Variants in ZNF254 observed in about 807,000 individuals in gnomAD.
ZNF254 encodes zinc finger protein 254.
In ZNF254, 10 loss-of-function variants were observed where a neutral mutation model predicts 12.4. The observed-to-expected ratio is 0.80, with a 90% CI of 0.50 to 1.36. The LOEUF is 1.36. Ranked by LOEUF, ZNF254 falls within the 40% of genes most tolerant of loss-of-function variation. The pLI is 0.00. For synonymous variants in ZNF254, 305 were observed against 253.4 expected (o/e 1.20, Z -1.93); for missense variants, 996 against 763.9 (o/e 1.30, Z -3.58).
intron 1 of ZNF254, among the ~76,000 whole-genome samples, chr19:24,094,465 T>C (rs766823335): frequency 9.2e-5 from 14 of 152,046 alleles, no homozygotes; most frequent in Non-Finnish European, 1.8e-4. Context: ...TTCACCATGT[T>C]GGCCAGGCTG....
Position 24,057,172 on chromosome 19 carries a change from A to C in ZNF254, c.-94+10893A>C, listed in dbSNP as rs555323258. ...GAGTGTCATAACGGCTCTAGAAAAC[A>C]GATGGGATTGTGATTTATGTATGCA... On this transcript the variant is annotated intron_variant, in intron 2 of 4. Coordinates refer to the ZNF254 transcript ENST00000613065. Among the ~76,000 whole-genome samples, 44 of 152,344 alleles carry C rather than the reference A, an allele frequency of 2.9e-4. 1 individual carries two copies. Among genetic ancestry groups the C allele is most frequent in the African/African-American group, 1.0e-3 (43 of 41,592 alleles).
At chr19:24,073,126 C>G (rs1180499082) in intron 2 of ZNF254, among the ~76,000 whole-genome samples, 1 of 152,194 alleles carries the variant, frequency 6.6e-6, no homozygotes, top group East Asian at 1.9e-4. Context: ...AGTGTCATCA[C>G]AAGACCAAGC....
intron 3 of ZNF254, among the ~76,000 whole-genome samples, chr19:24,124,583 A>G (rs1191979203): frequency 1.3e-5 from 2 of 151,770 alleles, no homozygotes; most frequent in Non-Finnish European, 2.9e-5. Flanking sequence ...GAAGGTTTTT[A>G]CTTTTTTTAT....
chr19:24,059,505 A>G (rs1970990601), intron 2 of ZNF254, among the ~76,000 whole-genome samples: 1 of 152,118 alleles, frequency 6.6e-6, no homozygotes, highest in Non-Finnish European at 1.5e-5. Context: ...CTAGACTGAG[A>G]ACTTAGGTGA....
chr19:24,125,681 T>C (rs1458825529), intron 3 of ZNF254, among the ~76,000 whole-genome samples: 2 of 152,246 alleles, frequency 1.3e-5, no homozygotes, highest in African/African-American at 4.8e-5. Context: ...CGTTAATTTG[T>C]AGCGTCATCA....
chr19:24,043,909 C>T (rs1357819326), intron 1 of ZNF254, among the ~76,000 whole-genome samples: 2 of 152,112 alleles, frequency 1.3e-5, no homozygotes, highest in African/African-American at 4.8e-5. Context: ...CTCATAAGTC[C>T]TTTTGAGATA....
chr19:24,084,457 C>T (rs553416633), upstream of ZNF254, among the ~76,000 whole-genome samples: 5 of 151,900 alleles, frequency 3.3e-5, no homozygotes, highest in South Asian at 8.3e-4. Context: ...GTACAGTGCA[C>T]ACTGCTTGGG....
chr19:24,081,450 C>T (rs559907223), intron 2 of ZNF254, among the ~76,000 whole-genome samples: 39 of 152,236 alleles, frequency 2.6e-4, no homozygotes, highest in Admixed American at 2.1e-3. Flanking sequence ...CTAGACACTC[C>T]AATTAACCTG....
At chr19:24,099,028 G>A (rs1324510912) in intron 1 of ZNF254, 1 of 96,014 alleles carries the variant, frequency 1.0e-5, no homozygotes, top group African/African-American at 4.3e-5. Flanking sequence ...AGACAGTCTT[G>A]CCCTGTCTCC....
intron 3 of ZNF254, among the ~76,000 whole-genome samples, chr19:24,108,038 C>CATAT: frequency 6.6e-6 from 1 of 152,164 alleles, no homozygotes; most frequent in Non-Finnish European, 1.5e-5. Context: ...CTCAGGCCTG[C>CATAT]ATATGGTGAG....
intron 3 of ZNF254, chr19:24,107,049 G>A (rs1344126456): frequency 2.3e-6 from 1 of 440,698 alleles, no homozygotes; most frequent in African/African-American, 2.1e-5. Context: ...TGTTATATTG[G>A]GTTTTTTCTT....
chr19:24,127,794 A>G lies in ZNF254; in HGVS notation c.1794A>G (p.Gly598=). 1 of 1,612,952 alleles carries G rather than the reference A, an allele frequency of 6.2e-7. No individual in the cohort carries two copies. The highest frequency in any genetic ancestry group is 1.1e-5 in the South Asian group (1 of 91,022). The change falls in exon 4 of 4, where the codon GGA becomes GGG. Residue 598 remains glycine (G), a synonymous_variant. Coordinates refer to ENST00000357002, the MANE Select transcript of ZNF254 (RefSeq NM_203282.4). ...CTAAACATAAGGTAATTCATACTGG[A>G]GTAAAACCCTACAAATGTGAAGAAT... ...TFTKHKVIHT[G]VKPYKCEECG... is the part of the protein sequence containing the mutation.
chr19:24,084,632 TA>T (rs1345056065), upstream of ZNF254, among the ~76,000 whole-genome samples: 1 of 152,102 alleles, frequency 6.6e-6, no homozygotes, highest in East Asian at 1.9e-4. Context: ...GTTTTTGGTT[TA>T]TTTTTTATTT....
chr19:24,127,758 T>A lies in ZNF254; in HGVS notation c.1758T>A (p.Ser586=). ...CEECGKSFNR[S]STFTKHKVIH... is the part of the protein sequence containing the mutation. The stretch of plus-strand genomic sequence containing the variant: ...AATGTGGCAAATCTTTTAACCGGTC[T>A]TCAACTTTTACTAAACATAAGGTAA... The change falls in exon 4 of 4, where the codon TCT becomes TCA. Residue 586 remains serine, a synonymous_variant. Coordinates refer to ENST00000357002, the MANE Select transcript of ZNF254 (RefSeq NM_203282.4). 6.2e-7 allele frequency: 1 copy of A among 1,609,368 alleles called. No individual in the cohort carries two copies. The highest frequency in any genetic ancestry group is 1.1e-5 in the South Asian group (1 of 90,796).
chr19:24,054,324 C>CA (rs985368304), intron 2 of ZNF254, among the ~76,000 whole-genome samples: 4 of 152,118 alleles, frequency 2.6e-5, no homozygotes, highest in African/African-American at 9.7e-5. Flanking sequence ...TCCCTACCTA[C>CA]AGGTTAAATG....
chr19:24,120,443 T>G (rs1356147373), intron 3 of ZNF254, among the ~76,000 whole-genome samples: 1 of 152,124 alleles, frequency 6.6e-6, no homozygotes, highest in Non-Finnish European at 1.5e-5. Context: ...AATATAAAAA[T>G]TATTTTGTGT....
At chr19:24,038,402 G>T (rs1321784092) in intron 1 of ZNF254, among the ~76,000 whole-genome samples, 3 of 152,160 alleles carry the variant, frequency 2.0e-5, no homozygotes, top group Non-Finnish European at 4.4e-5. Context: ...TTCTACTTGA[G>T]AACTAATTAT....
Position 24,126,618 on chromosome 19 carries a change from A to G in ZNF254, c.618A>G (p.Arg206=). 4.4e-6 allele frequency: 7 copies of G among 1,607,752 alleles called. No individual in the cohort carries two copies. The highest frequency in any genetic ancestry group is 5.9e-6 in the Non-Finnish European group (7 of 1,178,192). The change falls in exon 4 of 4, where the codon AGA becomes AGG. Residue 206 remains arginine (R), a synonymous_variant. Coordinates refer to ENST00000357002, the MANE Select transcript of ZNF254 (RefSeq NM_203282.4). ...HKTQHKSIYH[R]EKSYKCKECG... is the part of the protein sequence containing the mutation. Reference sequence around the variant, plus strand: ...CCCAACACAAAAGCATTTATCATAGAGAGAAGTCCTACAAATGTAAAGAAT... The same window carrying G: ...CCCAACACAAAAGCATTTATCATAGGGAGAAGTCCTACAAATGTAAAGAAT...
chr19:24,047,596 CTTTTTT>C (rs386388790), intron 2 of ZNF254, among the ~76,000 whole-genome samples: 2 of 107,960 alleles, frequency 1.9e-5, no homozygotes, highest in African/African-American at 3.7e-5. Flanking sequence ...TTCATTCTTC[CTTTTTT>C]TTTTTTTTTT....
Sources: gnomAD v4.1 joint callset for allele counts (sites outside exome capture counted in the v4.1 genomes callset) on GRCh38, gnomAD v4.1.1 for gene constraint, MANE v1.5 for transcripts, NCBI Gene and HGNC (gene_info 2026-07-23, HGNC 2026-07-21) for gene names.